The following HECW2 variants were observed in gnomAD, a reference collection of about 807,000 sequenced individuals.
HECW2 encodes the protein HECT, C2 and WW domain containing E3 ubiquitin protein ligase 2.
HECW2 carries 61 observed loss-of-function variants against 175.2 expected under a neutral mutation model. The ratio of observed to expected loss-of-function variants is 0.35; its 90% CI spans 0.28 to 0.43. The LOEUF is 0.43. HECW2 is among the 20% of genes least tolerant of loss of function. The pLI is 1.00. For synonymous variants in HECW2, 671 were observed against 731.0 expected, an observed-to-expected ratio of 0.92 and a Z score of 1.32; for missense variants, 1,524 against 2,000.5, an observed-to-expected ratio of 0.76 and a Z score of 4.54.
Position 196,437,250 on chromosome 2 carries a change from C to T in HECW2, c.-35-3792G>A, listed in dbSNP as rs1032934061. On this transcript the variant is annotated intron_variant, in intron 1 of 28. Transcript: ENST00000644978. ...ACTACCAAGGAAGAGTACTGGGAGG[C>T]GGAGAAGAAAAAAACAAATGTAGAG... 5.3e-5 allele frequency among the ~76,000 whole-genome samples: 8 copies of T among 151,682 alleles called. No homozygotes were observed. In the South Asian group the frequency reaches 6.3e-4, roughly 12 times the overall value.
chr2:196,321,156 T>C (rs1252135620), intron 7 of HECW2, among the ~76,000 whole-genome samples: 1 of 152,172 alleles, frequency 6.6e-6, no homozygotes, highest in Non-Finnish European at 1.5e-5. Context: ...GCAGTGCTGA[T>C]GGGATGGTTG....
intron 19 of HECW2, among the ~76,000 whole-genome samples, chr2:196,246,981 G>T (rs1688670176): frequency 6.6e-6 from 1 of 152,098 alleles, no homozygotes; most frequent in Non-Finnish European, 1.5e-5. Context: ...ATAGTAAATT[G>T]GCTGGGTACG....
chr2:196,524,783 G>A (rs1399494016), intron 1 of HECW2, among the ~76,000 whole-genome samples: 2 of 119,300 alleles, frequency 1.7e-5, no homozygotes, highest in Admixed American at 1.5e-4. Flanking sequence ...GCAGTTGAGC[G>A]GCTTTGAGTG....
At chr2:196,532,766 T>C (rs1688884435) in intron 1 of HECW2, among the ~76,000 whole-genome samples, 1 of 152,158 alleles carries the variant, frequency 6.6e-6, no homozygotes, top group South Asian at 2.1e-4. Flanking sequence ...ATCATCTATA[T>C]TTATTGCTTA....
intron 1 of HECW2, among the ~76,000 whole-genome samples, chr2:196,440,107 A>T (rs995813428): frequency 4.6e-5 from 7 of 152,208 alleles, no homozygotes; most frequent in African/African-American, 1.7e-4. Flanking sequence ...AATGCAATAT[A>T]TCCAAGTAAA....
At chr2:196,383,569 T>A (rs889505254) in intron 2 of HECW2, among the ~76,000 whole-genome samples, 4 of 151,570 alleles carry the variant, frequency 2.6e-5, no homozygotes, top group Admixed American at 2.0e-4. Flanking sequence ...GATTAAAGAG[T>A]AGACCTTTTC....
At chr2:196,577,700 C>G (rs1690610213) in intron 1 of HECW2, among the ~76,000 whole-genome samples, 1 of 152,190 alleles carries the variant, frequency 6.6e-6, no homozygotes, top group East Asian at 1.9e-4. Context: ...AAGGTATGCC[C>G]CCAACATGTA....
chr2:196,398,023 T>G (rs6731925), intron 2 of HECW2, among the ~76,000 whole-genome samples: 138,853 of 151,912 alleles, frequency 0.91, 63,841 homozygotes, highest in East Asian at 0.99. Flanking sequence ...TCTTTTATAA[T>G]AAGAGGTAGG....
intron 14 of HECW2, chr2:196,288,807 T>C (rs2106019116): frequency 6.6e-6 from 1 of 152,368 alleles, no homozygotes; most frequent in Non-Finnish European, 1.5e-5. Flanking sequence ...GCTATCTTCA[T>C]GATAATTGCT....
intron 2 of HECW2, among the ~76,000 whole-genome samples, chr2:196,394,422 T>C (rs182619622): frequency 3.3e-5 from 5 of 152,318 alleles, no homozygotes; most frequent in Admixed American, 2.6e-4. Flanking sequence ...ACCAATTAGA[T>C]AGAGAGAAAC....
intron 19 of HECW2, among the ~76,000 whole-genome samples, chr2:196,249,036 G>A (rs1234356808): frequency 1.3e-5 from 2 of 152,122 alleles, no homozygotes; most frequent in Non-Finnish European, 2.9e-5. Context: ...GTATAGGAAA[G>A]TAAAGAGAAA....
At chr2:196,242,313 T>C (rs1397147689) in intron 19 of HECW2, 109 bp from the exon 20 acceptor site, 2 of 1,375,864 alleles carry the variant, frequency 1.5e-6, no homozygotes, top group East Asian at 4.8e-5. Flanking sequence ...ATGAGGCAAC[T>C]GTCTTAACTT....
chr2:196,426,434 C>A (rs1695548953), intron 2 of HECW2, among the ~76,000 whole-genome samples: 1 of 152,070 alleles, frequency 6.6e-6, no homozygotes, highest in South Asian at 2.1e-4. Context: ...TTGATAACAG[C>A]CATTCTAATA....
chr2:196,389,501 G>A (rs139712064), intron 2 of HECW2, among the ~76,000 whole-genome samples: 11 of 152,168 alleles, frequency 7.2e-5, no homozygotes, highest in East Asian at 5.8e-4. Context: ...CTTCTACGGC[G>A]TCCTAAACTG....
chr2:196,404,343 C>T (rs1694902258), intron 2 of HECW2, among the ~76,000 whole-genome samples: 1 of 152,120 alleles, frequency 6.6e-6, no homozygotes, highest in Admixed American at 6.5e-5. Flanking sequence ...TGCTAGGATT[C>T]TGTAATAAAG....
chr2:196,301,188 CT>C (rs1363493666), intron 13 of HECW2, among the ~76,000 whole-genome samples: 1 of 152,064 alleles, frequency 6.6e-6, no homozygotes, highest in Non-Finnish European at 1.5e-5. Flanking sequence ...CCATCCATGC[CT>C]CTGGAAAGGA....
At chr2:196,497,671 G>A (rs539946376) in intron 1 of HECW2, among the ~76,000 whole-genome samples, 8 of 152,204 alleles carry the variant, frequency 5.3e-5, no homozygotes, top group East Asian at 1.9e-4. Context: ...TCCACAAGGC[G>A]TGTCATAGAA....
Position 196,331,670 on chromosome 2 carries a change from C to T in HECW2, c.496-2020G>A, listed in dbSNP as rs62187061. Reference sequence around the variant, plus strand: ...TTCTCATTTTTCAAATGTAATTCACCCTCTGGCAAAAGGCTTCCTGAAACA... The same window carrying T: ...TTCTCATTTTTCAAATGTAATTCACTCTCTGGCAAAAGGCTTCCTGAAACA... On this transcript the variant is annotated intron_variant, in intron 4 of 28. Coordinates refer to ENST00000644978, the MANE Select transcript of HECW2 (RefSeq NM_001348768.2). Among the ~76,000 whole-genome samples the T allele has an allele frequency of 8.2e-3, 1,250 of 152,166 alleles. 5 individuals carry two copies. The highest frequency in any genetic ancestry group is 0.014 in the Non-Finnish European group (971 of 67,984).
chr2:196,400,724 C>A (rs985451252), intron 2 of HECW2, among the ~76,000 whole-genome samples: 6 of 151,780 alleles, frequency 4.0e-5, no homozygotes, highest in African/African-American at 1.5e-4. Context: ...TATAAAGATG[C>A]TTTCACTCAC....
Sources: allele counts gnomAD v4.1 joint callset (sites outside exome capture counted in the v4.1 genomes callset), GRCh38; gene constraint gnomAD v4.1.1; transcripts MANE v1.5; gene names NCBI Gene and HGNC (gene_info 2026-07-23, HGNC 2026-07-21).